KHDRBS2: variants seen among roughly 807,000 people sequenced by gnomAD.
The protein encoded by KHDRBS2 is KH domain-containing, RNA-binding, signal transduction-associated protein 2.
KHDRBS2 carries 26 observed loss-of-function variants against 44.3 expected under a neutral mutation model. The observed-to-expected ratio is 0.59, with a 90% CI of 0.43 to 0.81. The LOEUF is 0.81. Ranked by LOEUF, KHDRBS2 falls within the 40% of genes least tolerant of loss-of-function variation. The probability of loss-of-function intolerance (pLI) is 0.00; values close to 1 mark genes in which losing one functional copy is unlikely to be tolerated. For synonymous variants in KHDRBS2, 194 were observed against 151.1 expected, an observed-to-expected ratio of 1.28 and a Z score of -2.08; for missense variants, 476 against 433.1, an observed-to-expected ratio of 1.10 and a Z score of -0.88.
chr6:62,229,337 G>C (rs1832493254), intron 1 of KHDRBS2, among the ~76,000 whole-genome samples: 1 of 152,132 alleles, frequency 6.6e-6, no homozygotes, highest in Non-Finnish European at 1.5e-5. Context: ...TATCTCTTGG[G>C]ACCAAGCCAT....
In KHDRBS2 at chr6:61,911,190, T is replaced by A. The variant is rs1217975829; in HGVS notation, c.484-9819A>T. Reference sequence around the variant, plus strand: ...ATAACCTAGGAATTCTAGGCCTTCCTCTGGACGTGGAAAATTTATATATTC... The same window carrying A: ...ATAACCTAGGAATTCTAGGCCTTCCACTGGACGTGGAAAATTTATATATTC... On this transcript the variant is annotated intron_variant, in intron 4 of 8. Transcript: ENST00000281156. Among the ~76,000 whole-genome samples the A allele has an allele frequency of 2.6e-5, 4 of 152,192 alleles. No individual in the cohort carries two copies. In the East Asian group the frequency reaches 7.7e-4, roughly 29 times the overall value.
At chr6:61,890,307 T>G (rs1801622355) in intron 6 of KHDRBS2, among the ~76,000 whole-genome samples, 2 of 152,210 alleles carry the variant, frequency 1.3e-5, no homozygotes, top group Non-Finnish European at 2.9e-5. Flanking sequence ...TATTTTCTGT[T>G]ATCTTTTCTA....
chr6:62,206,807 T>G (rs1399891368), intron 1 of KHDRBS2, among the ~76,000 whole-genome samples: 1 of 152,084 alleles, frequency 6.6e-6, no homozygotes, highest in Non-Finnish European at 1.5e-5. Flanking sequence ...GGACAAGAAC[T>G]GGGGACAGAA....
chr6:62,056,737 C>T (rs897692994), intron 2 of KHDRBS2, among the ~76,000 whole-genome samples: 6 of 151,850 alleles, frequency 4.0e-5, no homozygotes, highest in African/African-American at 1.5e-4. Flanking sequence ...ACATCAAACT[C>T]AGAAATACCA....
chr6:61,813,597 T>C (rs1788457660), intron 6 of KHDRBS2, among the ~76,000 whole-genome samples: 2 of 152,278 alleles, frequency 1.3e-5, no homozygotes, highest in African/African-American at 2.4e-5. Context: ...ATTTGCAGGA[T>C]AGATAGTCAT....
intron 6 of KHDRBS2, among the ~76,000 whole-genome samples, chr6:61,822,138 A>G (rs1026009424): frequency 6.6e-6 from 1 of 151,986 alleles, no homozygotes; most frequent in Non-Finnish European, 1.5e-5. Context: ...ACTTTTTCTG[A>G]TAAACTTTAG....
chr6:61,801,754 T>C (rs1360613736), intron 6 of KHDRBS2, among the ~76,000 whole-genome samples: 1 of 152,178 alleles, frequency 6.6e-6, no homozygotes, highest in Non-Finnish European at 1.5e-5. Flanking sequence ...CATTTCATTC[T>C]CATAATAGGG....
chr6:61,736,992 T>G (rs1424123404), intron 6 of KHDRBS2, among the ~76,000 whole-genome samples: 2 of 152,074 alleles, frequency 1.3e-5, no homozygotes, highest in East Asian at 1.9e-4. Context: ...GCATAGTTTA[T>G]CCCATAGAAT....
chr6:61,782,483 T>C (rs1445876726), intron 6 of KHDRBS2, among the ~76,000 whole-genome samples: 1 of 151,734 alleles, frequency 6.6e-6, no homozygotes, highest in Non-Finnish European at 1.5e-5. Context: ...TTTATATAAA[T>C]ACAGACAAAT....
downstream of KHDRBS2, among the ~76,000 whole-genome samples, chr6:61,679,365 A>G (rs1186334578): frequency 6.6e-6 from 1 of 151,906 alleles, no homozygotes; most frequent in Non-Finnish European, 1.5e-5. Flanking sequence ...AATTTTAATT[A>G]GTTGTTTTAA....
At chr6:62,026,404 T>C (rs1783313585) in intron 3 of KHDRBS2, among the ~76,000 whole-genome samples, 1 of 144,068 alleles carries the variant, frequency 6.9e-6, no homozygotes, top group Non-Finnish European at 1.5e-5. Flanking sequence ...AACTAATTAA[T>C]TATTTTATTT....
At chr6:61,862,993 A>G (rs1023521461) in intron 6 of KHDRBS2, among the ~76,000 whole-genome samples, 2 of 151,976 alleles carry the variant, frequency 1.3e-5, no homozygotes, top group Admixed American at 6.6e-5. Context: ...CAGAGATTCA[A>G]TTTCTTCCTG....
At chr6:61,827,610 A>G (rs1791106050) in intron 6 of KHDRBS2, among the ~76,000 whole-genome samples, 1 of 152,156 alleles carries the variant, frequency 6.6e-6, no homozygotes. Context: ...CCTTAACAAA[A>G]CACCATAGAC....
At chr6:61,709,145 A>G (rs2127549695) in intron 7 of KHDRBS2, among the ~76,000 whole-genome samples, 1 of 151,812 alleles carries the variant, frequency 6.6e-6, no homozygotes, top group Middle Eastern at 3.4e-3. Context: ...TCAACTCAGT[A>G]AACATATAGA....
chr6:62,046,968 T>TG (rs1172524090), intron 3 of KHDRBS2, among the ~76,000 whole-genome samples: 6 of 151,994 alleles, frequency 3.9e-5, no homozygotes, highest in Non-Finnish European at 8.8e-5. Flanking sequence ...AGATACTTTA[T>TG]GTATGATATA....
the KHDRBS2 span, among the ~76,000 whole-genome samples, chr6:61,654,571 T>TA: frequency 6.6e-6 from 1 of 151,312 alleles, no homozygotes; most frequent in African/African-American, 2.4e-5. Flanking sequence ...TTGAAGTAGT[T>TA]AAAGGACTAT....
the KHDRBS2 span, among the ~76,000 whole-genome samples, chr6:61,670,494 A>G: frequency 1.3e-5 from 2 of 151,542 alleles, no homozygotes; most frequent in African/African-American, 2.4e-5. Context: ...CTAACAAGAA[A>G]GTTAAAAGAC....
chr6:61,983,341 G>A (rs943446145), intron 3 of KHDRBS2, among the ~76,000 whole-genome samples: 33 of 149,972 alleles, frequency 2.2e-4, no homozygotes, highest in Non-Finnish European at 4.6e-4. Context: ...CTCCCAGAGT[G>A]CTGGGATTAT....
the KHDRBS2 span, among the ~76,000 whole-genome samples, chr6:61,560,822 A>C: frequency 6.6e-6 from 1 of 152,098 alleles, no homozygotes; most frequent in African/African-American, 2.4e-5. Context: ...CTCATGCTTT[A>C]TTAAGTTCAT....
Sources: allele counts gnomAD v4.1 joint callset (sites outside exome capture counted in the v4.1 genomes callset), GRCh38; gene constraint gnomAD v4.1.1; transcripts MANE v1.5; gene names NCBI Gene and HGNC (gene_info 2026-07-23, HGNC 2026-07-21).